Variants in SAMD5 observed in about 807,000 individuals in gnomAD.
SAMD5 encodes sterile alpha motif domain-containing protein 5.
In SAMD5, 13 loss-of-function variants were observed where a neutral mutation model predicts 11.3. The ratio of observed to expected loss-of-function variants is 1.15; its 90% CI spans 0.75 to 1.83. The LOEUF (loss-of-function observed/expected upper bound fraction) is 1.83. Among genes scored for constraint, SAMD5 ranks in the 40% most tolerant of loss-of-function variants. SAMD5 has a pLI of 0.00. For missense variants in SAMD5, 255 were observed against 239.1 expected, an observed-to-expected ratio of 1.07 and a Z score of -0.44; for synonymous variants, 129 against 111.3, an observed-to-expected ratio of 1.16 and a Z score of -1.00.
At chr6:147,821,342 C>T in the SAMD5 span, among the ~76,000 whole-genome samples, 1 of 152,168 alleles carries the variant, frequency 6.6e-6, no homozygotes, top group Admixed American at 6.5e-5. Flanking sequence ...GTGTAGGCAG[C>T]CGTTAGATGA....
the SAMD5 span, among the ~76,000 whole-genome samples, chr6:147,749,256 A>G: frequency 2.0e-5 from 3 of 147,536 alleles, no homozygotes; most frequent in Non-Finnish European, 4.5e-5. Context: ...TGCAACCACC[A>G]CCTCCTAGTT....
the SAMD5 span, among the ~76,000 whole-genome samples, chr6:147,911,702 T>C: frequency 6.6e-6 from 1 of 152,248 alleles, no homozygotes; most frequent in Non-Finnish European, 1.5e-5. Context: ...CAGTTATCTA[T>C]TGCTGTTTTA....
chr6:147,757,267 T>C, the SAMD5 span, among the ~76,000 whole-genome samples: 1 of 152,208 alleles, frequency 6.6e-6, no homozygotes, highest in Non-Finnish European at 1.5e-5. Context: ...TATAGTTATA[T>C]ATAAGTATTC....
intron 1 of SAMD5, among the ~76,000 whole-genome samples, chr6:147,713,645 G>A (rs1401256275): frequency 1.3e-5 from 2 of 152,156 alleles, no homozygotes; most frequent in South Asian, 2.1e-4. Flanking sequence ...GTGTTTGGGG[G>A]AAACTAGGGC....
intron 1 of SAMD5, among the ~76,000 whole-genome samples, chr6:147,647,570 T>C (rs1209384668): frequency 1.3e-5 from 2 of 152,014 alleles, no homozygotes; most frequent in East Asian, 3.9e-4. Flanking sequence ...GGATAGATGA[T>C]TATAAGTGGT....
exon 2 of SAMD5, chr6:147,737,357 T>C (rs912087027): frequency 1.4e-5 from 18 of 1,265,910 alleles, no homozygotes; most frequent in Non-Finnish European, 1.9e-5. Flanking sequence ...ATTTGCGTGC[T>C]GTTTATTGGA....
the SAMD5 span, among the ~76,000 whole-genome samples, chr6:147,839,542 G>T: frequency 6.6e-6 from 1 of 152,128 alleles, no homozygotes; most frequent in African/African-American, 2.4e-5. Flanking sequence ...ATGAAGTCGG[G>T]AGTTCGAGAC....
the SAMD5 span, chr6:147,947,575 GC>G: frequency 1.3e-5 from 2 of 152,174 alleles, no homozygotes; most frequent in African/African-American, 4.8e-5. Flanking sequence ...CATGTGAATT[GC>G]CTGTGAGAAC....
the SAMD5 span, among the ~76,000 whole-genome samples, chr6:147,775,024 C>T: frequency 6.6e-6 from 1 of 152,100 alleles, no homozygotes. Flanking sequence ...AGGGGGCGAC[C>T]TCCTGGCCTA....
At chr6:147,759,072 A>G in the SAMD5 span, among the ~76,000 whole-genome samples, 3 of 152,248 alleles carry the variant, frequency 2.0e-5, no homozygotes, top group Non-Finnish European at 4.4e-5. Flanking sequence ...TAACTGCGGT[A>G]GGCAATGCAT....
chr6:147,730,254 C>T (rs1583156980), intron 1 of SAMD5: 1 of 363,752 alleles, frequency 2.7e-6, no homozygotes, highest in East Asian at 7.3e-5. Context: ...ATATGAAATT[C>T]CCTGACTTAC....
chr6:147,909,284 G>A, the SAMD5 span, among the ~76,000 whole-genome samples: 1 of 151,414 alleles, frequency 6.6e-6, no homozygotes, highest in African/African-American at 2.4e-5. Flanking sequence ...CTTGGAGGCT[G>A]CTTTTGTACA....
At chr6:147,764,333 G>A in the SAMD5 span, among the ~76,000 whole-genome samples, 1 of 152,058 alleles carries the variant, frequency 6.6e-6, no homozygotes, top group East Asian at 1.9e-4. Flanking sequence ...ACCACATCTA[G>A]TAGCATTCTA....
At chr6:147,905,301 C>A in the SAMD5 span, among the ~76,000 whole-genome samples, 15 of 152,274 alleles carry the variant, frequency 9.9e-5, no homozygotes, top group East Asian at 2.5e-3. Flanking sequence ...CCTGCCTCAG[C>A]CTCCGGAGCA....
At chr6:147,709,780 G>A (rs1387583785) in intron 1 of SAMD5, among the ~76,000 whole-genome samples, 2 of 152,174 alleles carry the variant, frequency 1.3e-5, no homozygotes, top group Admixed American at 6.5e-5. Context: ...TCCAAGAGGA[G>A]ATAATAAAAA....
In SAMD5 at chr6:147,600,054, C is replaced by A. The variant is rs1438263119; in HGVS notation, c.162+90667C>A. Among the ~76,000 whole-genome samples the A allele has an allele frequency of 3.3e-5, 5 of 152,052 alleles. No homozygotes were observed. In the East Asian group the frequency reaches 5.8e-4, roughly 18 times the overall value. On this transcript the variant is annotated intron_variant, in intron 1 of 1. Transcript: ENST00000566741. ...CTCCTGCTGCCTGTTTCTCCTGGAG[C>A]ATTCTGGTTTGGGAGTGAGGGCCAC...
rs180960149 is a variant in SAMD5, at chr6:147,676,690, C to G, written c.163-60627C>G. 4.9e-4 allele frequency among the ~76,000 whole-genome samples: 74 copies of G among 152,206 alleles called. 2 individuals are homozygous for G. Among genetic ancestry groups the G allele is most frequent in the Admixed American group, 4.3e-3 (65 of 15,294 alleles). On this transcript the variant is annotated intron_variant, in intron 1 of 1. Transcript: ENST00000566741. ...GTAGGGATGAATCATCCTAAGACAG[C>G]TGAGAAAGGATTCAAAGAGAAAGTA...
intron 1 of SAMD5, among the ~76,000 whole-genome samples, chr6:147,588,283 C>T (rs1789403090): frequency 1.4e-5 from 2 of 147,584 alleles, no homozygotes. Context: ...TGAATAATAT[C>T]GGCCATTTTT....
chr6:147,554,077 C>T (rs1440979625), intron 1 of SAMD5, among the ~76,000 whole-genome samples: 1 of 152,042 alleles, frequency 6.6e-6, no homozygotes, highest in Non-Finnish European at 1.5e-5. Flanking sequence ...AGGAAACTTA[C>T]AATTATGGCA....
Sources: allele counts gnomAD v4.1 joint callset (sites outside exome capture counted in the v4.1 genomes callset), GRCh38; gene constraint gnomAD v4.1.1; transcripts MANE v1.5; gene names NCBI Gene and HGNC (gene_info 2026-07-23, HGNC 2026-07-21).